The following XKR9 variants were observed in gnomAD, a reference collection of about 807,000 sequenced individuals.
The protein encoded by XKR9 is XK related 9.
Under a neutral mutation model 32.0 loss-of-function variants are expected in XKR9, and 32 were observed. The observed-to-expected ratio is 1.00, with a 90% CI of 0.76 to 1.34. The LOEUF (loss-of-function observed/expected upper bound fraction) is 1.34. Among genes scored for constraint, XKR9 ranks in the 40% most tolerant of loss-of-function variants. The pLI is 0.00. For synonymous variants in XKR9, 168 were observed against 143.4 expected, an observed-to-expected ratio of 1.17 and a Z score of -1.22; for missense variants, 546 against 429.7, an observed-to-expected ratio of 1.27 and a Z score of -2.39.
chr8:70,708,549 A>T (rs992848952), intron 4 of XKR9, among the ~76,000 whole-genome samples: 3 of 152,124 alleles, frequency 2.0e-5, no homozygotes, highest in South Asian at 2.1e-4. Context: ...TGACACAAGA[A>T]AGCAATTATA....
the XKR9 span, among the ~76,000 whole-genome samples, chr8:71,064,174 CATT>C: frequency 6.6e-6 from 1 of 152,100 alleles, no homozygotes; most frequent in East Asian, 1.9e-4. Context: ...ATATACCCAT[CATT>C]GAGATTTAAT....
chr8:70,725,928 AAAC>A (rs993588984), intron 4 of XKR9, among the ~76,000 whole-genome samples: 99 of 152,158 alleles, frequency 6.5e-4, no homozygotes, highest in African/African-American at 2.2e-3. Context: ...ACAACAACAA[AAAC>A]AACAACAAAA....
At chr8:70,916,026 G>T in the XKR9 span, among the ~76,000 whole-genome samples, 1 of 152,138 alleles carries the variant, frequency 6.6e-6, no homozygotes, top group Admixed American at 6.6e-5. Flanking sequence ...TGCTTGACAT[G>T]GTTTCCCTCC....
chr8:70,883,614 A>C, the XKR9 span, among the ~76,000 whole-genome samples: 2 of 152,140 alleles, frequency 1.3e-5, no homozygotes, highest in Non-Finnish European at 2.9e-5. Context: ...TTTGAAAAAT[A>C]TCATATAGTT....
the XKR9 span, among the ~76,000 whole-genome samples, chr8:70,922,306 CA>C: frequency 6.6e-5 from 10 of 152,182 alleles, no homozygotes; most frequent in Non-Finnish European, 1.0e-4. Flanking sequence ...AAGCGCCACT[CA>C]AAATTTTCAT....
At chr8:70,758,664 C>A (rs1186267134) in intron 2 of XKR9, among the ~76,000 whole-genome samples, 1 of 152,178 alleles carries the variant, frequency 6.6e-6, no homozygotes, top group Non-Finnish European at 1.5e-5. Flanking sequence ...ACGTTTTTGT[C>A]GTTCACAAAT....
chr8:70,781,297 A>G (rs78613510), intron 2 of XKR9, among the ~76,000 whole-genome samples: 2,489 of 152,058 alleles, frequency 0.016, 63 homozygotes, highest in African/African-American at 0.058. Flanking sequence ...AATTGTAAGG[A>G]TTCTTTAAAC....
the XKR9 span, among the ~76,000 whole-genome samples, chr8:70,981,262 T>G: frequency 6.6e-6 from 1 of 152,210 alleles, no homozygotes; most frequent in Non-Finnish European, 1.5e-5. Flanking sequence ...CTTTTCTTTC[T>G]CAGGAACACC....
chr8:70,695,895 T>C (rs899485045), intron 3 of XKR9, among the ~76,000 whole-genome samples: 4 of 151,284 alleles, frequency 2.6e-5, no homozygotes, highest in African/African-American at 7.3e-5. Context: ...TGGTATCTCA[T>C]TGTGGTTTTG....
At chr8:70,874,636 C>A in the XKR9 span, among the ~76,000 whole-genome samples, 1 of 152,172 alleles carries the variant, frequency 6.6e-6, no homozygotes, top group South Asian at 2.1e-4. Flanking sequence ...GATTCTCTAT[C>A]AGTTGATAAC....
chr8:70,858,765 T>G, the XKR9 span, among the ~76,000 whole-genome samples: 2 of 151,946 alleles, frequency 1.3e-5, no homozygotes, highest in Non-Finnish European at 2.9e-5. Context: ...GAAAGGACAG[T>G]CTCTTCAATA....
chr8:71,049,088 T>C, the XKR9 span, among the ~76,000 whole-genome samples: 2 of 152,334 alleles, frequency 1.3e-5, no homozygotes, highest in South Asian at 4.1e-4. Context: ...TTCTTAGTAC[T>C]TTTTAATGTG....
At chr8:70,814,333 C>T in the XKR9 span, among the ~76,000 whole-genome samples, 3 of 151,842 alleles carry the variant, frequency 2.0e-5, no homozygotes, top group African/African-American at 4.8e-5. Context: ...AGGAGATATA[C>T]CTAATGCTAA....
At chr8:71,009,468 T>A in the XKR9 span, among the ~76,000 whole-genome samples, 1 of 152,208 alleles carries the variant, frequency 6.6e-6, no homozygotes, top group African/African-American at 2.4e-5. Context: ...AGAGACCATG[T>A]TTGAATCTTA....
chr8:70,795,684 G>T, the XKR9 span, among the ~76,000 whole-genome samples: 1 of 152,052 alleles, frequency 6.6e-6, no homozygotes, highest in Non-Finnish European at 1.5e-5. Context: ...TCTGACTGGT[G>T]TGAAGTGCTA....
chr8:70,786,388 T>C (rs1425075098), intron 2 of XKR9, among the ~76,000 whole-genome samples: 1 of 152,152 alleles, frequency 6.6e-6, no homozygotes, highest in Non-Finnish European at 1.5e-5. Flanking sequence ...AAATCTTCTA[T>C]AATTATTGAA....
the XKR9 span, among the ~76,000 whole-genome samples, chr8:70,978,920 G>A: frequency 6.6e-6 from 1 of 152,090 alleles, no homozygotes; most frequent in African/African-American, 2.4e-5. Flanking sequence ...ATTTCTTGGA[G>A]GCTTTCTTCG....
the XKR9 span, among the ~76,000 whole-genome samples, chr8:70,834,684 G>A: frequency 3.3e-5 from 5 of 152,008 alleles, no homozygotes; most frequent in Non-Finnish European, 5.9e-5. Context: ...GCGTATATTC[G>A]TTTAACAATG....
chr8:70,860,611 A>T, the XKR9 span, among the ~76,000 whole-genome samples: 1 of 151,852 alleles, frequency 6.6e-6, no homozygotes, highest in South Asian at 2.1e-4. Flanking sequence ...CTCCTCCTCC[A>T]GCATAGGCAT....
Sources: allele counts gnomAD v4.1 joint callset (sites outside exome capture counted in the v4.1 genomes callset), GRCh38; gene constraint gnomAD v4.1.1; transcripts MANE v1.5; gene names NCBI Gene and HGNC (gene_info 2026-07-23, HGNC 2026-07-21).